ST3GAL6: variants seen among roughly 807,000 people sequenced by gnomAD.
ST3GAL6 encodes ST3 beta-galactoside alpha-2,3-sialyltransferase 6, also known as type 2 lactosamine alpha-2,3-sialyltransferase.
Under a neutral mutation model 40.5 loss-of-function variants are expected in ST3GAL6, and 31 were observed. The observed-to-expected ratio is 0.77, with a 90% CI of 0.58 to 1.03. The LOEUF is 1.03. Among genes scored for constraint, ST3GAL6 ranks in the 50% least tolerant of loss-of-function variants. The pLI is 0.00. For synonymous variants in ST3GAL6, 129 were observed against 136.9 expected (o/e 0.94, Z 0.40); for missense variants, 357 against 393.2 (o/e 0.91, Z 0.78).
rs1399464640 is a variant in ST3GAL6, at chr3:98,758,121, G to A, written c.-11-10309G>A. Among the ~76,000 whole-genome samples, 3 of 152,290 alleles carry A rather than the reference G, an allele frequency of 2.0e-5. No homozygotes were observed. The East Asian group carries it at 5.8e-4, about 29-fold the overall frequency. On this transcript the variant is annotated intron_variant, in intron 1 of 9. Coordinates refer to the ST3GAL6 transcript ENST00000265261. Reference sequence around the variant, plus strand: ...CCCAAAGTGCTGGGATTACAGGCTTGAGCCACCGTGCCCGGTCCTAATTTT... The same window carrying A: ...CCCAAAGTGCTGGGATTACAGGCTTAAGCCACCGTGCCCGGTCCTAATTTT...
At chr3:98,765,467 A>G (rs1370450931) in intron 1 of ST3GAL6, among the ~76,000 whole-genome samples, 3 of 152,198 alleles carry the variant, frequency 2.0e-5, no homozygotes, top group African/African-American at 7.2e-5. Flanking sequence ...AAATGGAGGG[A>G]TGGACATATA....
intron 5 of ST3GAL6, among the ~76,000 whole-genome samples, chr3:98,776,080 AAAAAT>A (rs1430502864): frequency 6.6e-6 from 1 of 152,236 alleles, no homozygotes; most frequent in African/African-American, 2.4e-5. Flanking sequence ...CGAGTATTTC[AAAAAT>A]AGATAAGAAT....
At chr3:98,787,225 T>A (rs1408530888) in intron 6 of ST3GAL6, among the ~76,000 whole-genome samples, 2 of 152,134 alleles carry the variant, frequency 1.3e-5, no homozygotes, top group African/African-American at 4.8e-5. Flanking sequence ...ATCTGATAAT[T>A]TAGAGCCACA....
rs1937112963 is a variant in ST3GAL6 at position 98,752,769 on chromosome 3, C to T, written c.-11-15661C>T. The stretch of plus-strand genomic sequence containing the variant: ...TACAGGCGTGAGCCACCGCGCCCAG[C>T]TGATCACTGATCTTTGATGTTACTA... On this transcript the variant is annotated intron_variant, in intron 1 of 9. Coordinates refer to the ST3GAL6 transcript ENST00000265261. Among the ~76,000 whole-genome samples the T allele has an allele frequency of 1.3e-5, 2 of 152,230 alleles. 1 individual carries two copies. Among genetic ancestry groups the T allele is most frequent in the South Asian group, 4.1e-4 (2 of 4,834 alleles).
intron 6 of ST3GAL6, among the ~76,000 whole-genome samples, chr3:98,786,973 TGTG>T (rs1940783319): frequency 1.3e-5 from 2 of 151,602 alleles, no homozygotes; most frequent in Non-Finnish European, 2.9e-5. Context: ...TGTGTGTGTG[TGTG>T]TGTGTGTGTT....
intron 1 of ST3GAL6, among the ~76,000 whole-genome samples, 175 bp downstream of exon 1, chr3:98,763,614 T>C (rs1431771103): frequency 6.6e-6 from 1 of 151,892 alleles, no homozygotes; most frequent in Non-Finnish European, 1.5e-5. Context: ...CAGCAGCATG[T>C]TGGGTTTGAG....
chr3:98,780,519 T>G (rs932074712), intron 5 of ST3GAL6, among the ~76,000 whole-genome samples: 14 of 152,214 alleles, frequency 9.2e-5, no homozygotes, highest in African/African-American at 3.1e-4. Flanking sequence ...GACGTAGAGC[T>G]GCAAAGAATC....
chr3:98,733,044 C>A, intron 1 of ST3GAL6: 6 of 1,421,542 alleles, frequency 4.2e-6, no homozygotes, highest in Non-Finnish European at 5.5e-6. Flanking sequence ...GAAGACCGGT[C>A]TGGGCCGGGG....
intron 5 of ST3GAL6, among the ~76,000 whole-genome samples, chr3:98,775,754 C>G (rs570312257): frequency 2.6e-5 from 4 of 152,298 alleles, no homozygotes; most frequent in Admixed American, 2.6e-4. Context: ...CTGCCCCTTT[C>G]CTCCTGTCAC....
At chr3:98,761,713 G>A (rs2107095902), upstream of ST3GAL6, among the ~76,000 whole-genome samples, 1 of 152,116 alleles carries the variant, frequency 6.6e-6, no homozygotes, top group Admixed American at 6.5e-5. Context: ...AGAGAATACA[G>A]GGACAATTTT....
chr3:98,738,153 C>G (rs1576018460), intron 1 of ST3GAL6, among the ~76,000 whole-genome samples: 1 of 147,898 alleles, frequency 6.8e-6, no homozygotes, highest in South Asian at 2.2e-4. Context: ...TCCCCTTCAC[C>G]TTTTGCCAGG....
chr3:98,764,350 G>C (rs367715800), intron 1 of ST3GAL6, among the ~76,000 whole-genome samples: 7 of 152,046 alleles, frequency 4.6e-5, no homozygotes. Flanking sequence ...GTGTTTCTCC[G>C]TAGAGTTTGT....
chr3:98,739,701 T>G (rs1935898287), intron 1 of ST3GAL6, among the ~76,000 whole-genome samples: 1 of 152,200 alleles, frequency 6.6e-6, no homozygotes, highest in Non-Finnish European at 1.5e-5. Flanking sequence ...TTTTCTATGG[T>G]TAGCATAGGG....
At chr3:98,758,493 A>G (rs1051681785), upstream of ST3GAL6, among the ~76,000 whole-genome samples, 1 of 152,238 alleles carries the variant, frequency 6.6e-6, no homozygotes, top group Non-Finnish European at 1.5e-5. Flanking sequence ...TATGAAAAGC[A>G]TAAAAAAGAT....
chr3:98,754,074 T>G (rs986694211), intron 1 of ST3GAL6, among the ~76,000 whole-genome samples: 1 of 152,204 alleles, frequency 6.6e-6, no homozygotes, highest in Non-Finnish European at 1.5e-5. Flanking sequence ...ATTTAAGAAA[T>G]ATAGTTTGTA....
intron 5 of ST3GAL6, 26 bp downstream of exon 5, chr3:98,774,009 C>T: frequency 3.8e-6 from 6 of 1,582,210 alleles, no homozygotes; most frequent in Non-Finnish European, 5.2e-6. Flanking sequence ...TGCTTCTAGT[C>T]TGGCTTTTAG....
At chr3:98,781,660 C>A (rs1431837892) in intron 5 of ST3GAL6, among the ~76,000 whole-genome samples, 1 of 152,088 alleles carries the variant, frequency 6.6e-6, no homozygotes, top group Non-Finnish European at 1.5e-5. Flanking sequence ...ACTGGGAACT[C>A]CAGGCCAGGA....
intron 5 of ST3GAL6, among the ~76,000 whole-genome samples, chr3:98,784,083 C>A (rs533415526): frequency 6.6e-6 from 1 of 152,202 alleles, no homozygotes; most frequent in Admixed American, 6.5e-5. Context: ...GCTGATTTCA[C>A]GGGTCTTAGG....
intron 1 of ST3GAL6, among the ~76,000 whole-genome samples, chr3:98,735,892 G>C (rs566453738): frequency 8.2e-4 from 125 of 152,214 alleles, no homozygotes; most frequent in Non-Finnish European, 1.6e-3. Flanking sequence ...GATAGCTGGA[G>C]TTCTTTCCCC....
Sources: gnomAD v4.1 joint callset for allele counts (sites outside exome capture counted in the v4.1 genomes callset) on GRCh38, gnomAD v4.1.1 for gene constraint, MANE v1.5 for transcripts, NCBI Gene and HGNC (gene_info 2026-07-23, HGNC 2026-07-21) for gene names.